MYO16: variants seen among roughly 807,000 people sequenced by gnomAD.
The protein encoded by MYO16 is myosin XVI, also known as unconventional myosin-XVI.
MYO16 carries 94 observed loss-of-function variants against 205.3 expected under a neutral mutation model. That is an observed-to-expected ratio of 0.46 (90% CI 0.39 to 0.54). The LOEUF (loss-of-function observed/expected upper bound fraction) is 0.54. Ranked by LOEUF, MYO16 falls within the 20% of genes least tolerant of loss-of-function variation. MYO16 has a pLI of 0.00. For synonymous variants in MYO16, 988 were observed against 954.0 expected (o/e 1.04, Z -0.66); for missense variants, 2,315 against 2,387.5 (o/e 0.97, Z 0.63).
intron 20 of MYO16, among the ~76,000 whole-genome samples, chr13:108,970,281 A>G (rs191977562): frequency 6.6e-6 from 1 of 152,234 alleles, no homozygotes; most frequent in African/African-American, 2.4e-5. Context: ...TAACGCTATT[A>G]AAAAAGCATG....
At chr13:108,784,893 G>A (rs1886411333) in intron 4 of MYO16, among the ~76,000 whole-genome samples, 1 of 152,156 alleles carries the variant, frequency 6.6e-6, no homozygotes, top group Admixed American at 6.5e-5. Context: ...GGGCAATGGA[G>A]ACAGTTCATG....
At chr13:109,159,768 T>A (rs1245033376) in intron 32 of MYO16, among the ~76,000 whole-genome samples, 1 of 152,222 alleles carries the variant, frequency 6.6e-6, no homozygotes, top group Admixed American at 6.5e-5. Context: ...CATGCCCTGC[T>A]GGACGCTGGA....
At chr13:109,002,173 T>A (rs1473131907) in intron 21 of MYO16, among the ~76,000 whole-genome samples, 2 of 152,204 alleles carry the variant, frequency 1.3e-5, no homozygotes, top group African/African-American at 4.8e-5. Context: ...CTTAAAAAAC[T>A]CCTCAATTAA....
intron 31 of MYO16, among the ~76,000 whole-genome samples, chr13:109,136,277 A>G (rs1226643618): frequency 6.6e-6 from 1 of 152,064 alleles, no homozygotes; most frequent in African/African-American, 2.4e-5. Context: ...TATTTTTAGT[A>G]GAGACAGTTT....
In MYO16 at chr13:109,114,341, A is replaced by G. The variant is rs186344923; in HGVS notation, c.3439-6029A>G. Among the ~76,000 whole-genome samples the G allele has an allele frequency of 8.5e-5, 13 of 152,278 alleles. No individual in the cohort carries two copies. In the East Asian group the frequency reaches 2.5e-3, roughly 29 times the overall value. ...ATTTTGACAAGATCCCAAGCGATTA[A>G]TATGCATTTTTCAGTTTGAGACTTT... On this transcript the variant is annotated intron_variant, in intron 28 of 34. Transcript: ENST00000457511.
chr13:109,014,325 C>A (rs901959460), intron 22 of MYO16, among the ~76,000 whole-genome samples: 4 of 152,016 alleles, frequency 2.6e-5, no homozygotes, highest in African/African-American at 7.2e-5. Context: ...ATTGGTCTAT[C>A]TCTCTGTTTT....
At chr13:108,858,063 A>C (rs545739715) in intron 11 of MYO16, among the ~76,000 whole-genome samples, 4 of 152,332 alleles carry the variant, frequency 2.6e-5, no homozygotes, top group African/African-American at 9.6e-5. Context: ...AAGCAATTTA[A>C]ACATTATGGA....
chr13:108,909,429 A>G (rs2139232726), intron 15 of MYO16, among the ~76,000 whole-genome samples: 1 of 152,298 alleles, frequency 6.6e-6, no homozygotes, highest in Non-Finnish European at 1.5e-5. Flanking sequence ...CATCTACCTC[A>G]TCCTCAAATA....
At chr13:108,585,707 C>T in the MYO16 span, among the ~76,000 whole-genome samples, 1 of 151,996 alleles carries the variant, frequency 6.6e-6, no homozygotes, top group Non-Finnish European at 1.5e-5. Flanking sequence ...AATGTCATGC[C>T]AGAGTCAGAT....
upstream of MYO16, among the ~76,000 whole-genome samples, chr13:108,592,663 A>G (rs529734796): frequency 2.3e-3 from 211 of 90,450 alleles, 1 homozygote; most frequent in African/African-American, 9.1e-3. Flanking sequence ...GGGAGTGTGG[A>G]GTGGGGTGGG....
At chr13:109,120,120 A>G (rs1217422262) in intron 28 of MYO16, among the ~76,000 whole-genome samples, 1 of 152,218 alleles carries the variant, frequency 6.6e-6, no homozygotes, top group Non-Finnish European at 1.5e-5. Flanking sequence ...ACCACATGGT[A>G]CAACCCACAT....
the MYO16 span, among the ~76,000 whole-genome samples, chr13:108,545,253 A>T: frequency 6.6e-6 from 1 of 152,184 alleles, no homozygotes; most frequent in East Asian, 1.9e-4. Context: ...GAAAATGGAA[A>T]GTATTTTGTT....
intron 20 of MYO16, among the ~76,000 whole-genome samples, chr13:108,989,848 CT>C (rs1884765001): frequency 6.6e-6 from 1 of 151,912 alleles, no homozygotes; most frequent in African/African-American, 2.4e-5. Context: ...AAGATTGATA[CT>C]TTTAAAAAAC....
intron 22 of MYO16, among the ~76,000 whole-genome samples, chr13:109,017,898 A>G (rs111472743): frequency 0.012 from 1,843 of 152,024 alleles, 41 homozygotes; most frequent in African/African-American, 0.042. Flanking sequence ...CTTCTTTGTG[A>G]TGGGTTTGAA....
intron 4 of MYO16, 73 bp downstream of exon 4, chr13:108,727,656 A>T: frequency 6.7e-7 from 1 of 1,488,672 alleles, no homozygotes. Flanking sequence ...AACTAATGCT[A>T]TTTTACAATA....
At chr13:109,131,423 A>G (rs1029882704) in intron 31 of MYO16, among the ~76,000 whole-genome samples, 1 of 152,204 alleles carries the variant, frequency 6.6e-6, no homozygotes, top group African/African-American at 2.4e-5. Flanking sequence ...CAGTACAGAG[A>G]GCAATTTTTT....
intron 23 of MYO16, among the ~76,000 whole-genome samples, chr13:109,029,777 G>A (rs1448797896): frequency 6.6e-6 from 1 of 152,214 alleles, no homozygotes; most frequent in East Asian, 1.9e-4. Flanking sequence ...GTGTTCCACT[G>A]CTGACACGAA....
At chr13:108,849,153 G>A (rs947127567) in intron 10 of MYO16, among the ~76,000 whole-genome samples, 3 of 151,696 alleles carry the variant, frequency 2.0e-5, no homozygotes, top group Non-Finnish European at 2.9e-5. Context: ...TGGTCATTCC[G>A]GTCAACACGA....
At chr13:109,066,666 T>C (rs1887758866) in intron 27 of MYO16, among the ~76,000 whole-genome samples, 1 of 152,198 alleles carries the variant, frequency 6.6e-6, no homozygotes. Flanking sequence ...ATAGTACGTA[T>C]TGTAGACTTT....
Sources: gnomAD v4.1 joint callset for allele counts (sites outside exome capture counted in the v4.1 genomes callset) on GRCh38, gnomAD v4.1.1 for gene constraint, MANE v1.5 for transcripts, NCBI Gene and HGNC (gene_info 2026-07-23, HGNC 2026-07-21) for gene names.